CREB5: variants seen among roughly 807,000 people sequenced by gnomAD.
CREB5 encodes cyclic AMP-responsive element-binding protein 5.
CREB5 carries 19 observed loss-of-function variants against 57.1 expected under a neutral mutation model. The ratio of observed to expected loss-of-function variants is 0.33; its 90% CI spans 0.23 to 0.49. The LOEUF is 0.49. Among genes scored for constraint, CREB5 ranks in the 20% least tolerant of loss-of-function variants. The pLI is 0.99. For synonymous variants in CREB5, 238 were observed against 238.3 expected, an observed-to-expected ratio of 1.00 and a Z score of 0.01; for missense variants, 579 against 671.6, an observed-to-expected ratio of 0.86 and a Z score of 1.52.
At chr7:28,554,485 G>A (rs1583619170) in intron 4 of CREB5, among the ~76,000 whole-genome samples, 1 of 152,342 alleles carries the variant, frequency 6.6e-6, no homozygotes, top group South Asian at 2.1e-4. Context: ...CTGTTGGGGT[G>A]GAGCCTTCTC....
chr7:28,358,460 G>T (rs7800261), intron 1 of CREB5, among the ~76,000 whole-genome samples: 1,577 of 152,328 alleles, frequency 0.01, 23 homozygotes, highest in African/African-American at 0.036. Flanking sequence ...GTGGTTCTTG[G>T]ATATCACTGT....
chr7:28,758,573 T>G (rs2128768083), intron 7 of CREB5, among the ~76,000 whole-genome samples: 1 of 152,294 alleles, frequency 6.6e-6, no homozygotes, highest in South Asian at 2.1e-4. Flanking sequence ...GGGTTTGCAC[T>G]ACCAGTCAGT....
chr7:28,467,015 A>AG (rs1790607400), intron 1 of CREB5, among the ~76,000 whole-genome samples: 1 of 152,220 alleles, frequency 6.6e-6, no homozygotes, highest in Non-Finnish European at 1.5e-5. Context: ...CTGGAGGGAC[A>AG]GGGGGCCAAG....
chr7:28,322,975 T>C (rs994707995), intron 1 of CREB5, among the ~76,000 whole-genome samples: 8 of 152,204 alleles, frequency 5.3e-5, no homozygotes, highest in Non-Finnish European at 8.8e-5. Context: ...CTCTGTCCTT[T>C]AGCTAACCAA....
chr7:28,357,081 C>T (rs1048807712), intron 1 of CREB5, among the ~76,000 whole-genome samples: 1 of 151,430 alleles, frequency 6.6e-6, no homozygotes, highest in Non-Finnish European at 1.5e-5. Flanking sequence ...CTGCATCCCT[C>T]GCTAAAGCCA....
intron 1 of CREB5, among the ~76,000 whole-genome samples, chr7:28,477,246 A>G (rs1251337811): frequency 6.6e-6 from 1 of 152,238 alleles, no homozygotes; most frequent in Non-Finnish European, 1.5e-5. Context: ...ACAATTTCCC[A>G]GTGTGGATTT....
chr7:28,651,848 G>A (rs534918752), intron 5 of CREB5, among the ~76,000 whole-genome samples: 3 of 151,986 alleles, frequency 2.0e-5, no homozygotes, highest in Non-Finnish European at 2.9e-5. Flanking sequence ...TCAAGCTTTC[G>A]TAAACTCATG....
intron 1 of CREB5, among the ~76,000 whole-genome samples, chr7:28,464,113 T>C (rs1790460343): frequency 6.6e-6 from 1 of 152,184 alleles, no homozygotes; most frequent in Admixed American, 6.5e-5. Flanking sequence ...TTTATTCTAT[T>C]GAGTCTGATT....
chr7:28,358,209 C>T (rs1786384765), intron 1 of CREB5, among the ~76,000 whole-genome samples: 4 of 152,196 alleles, frequency 2.6e-5, no homozygotes, highest in Admixed American at 2.6e-4. Context: ...GCTCCGCTGA[C>T]CTCACAGGCT....
chr7:28,401,373 G>T (rs1394614857), intron 1 of CREB5, among the ~76,000 whole-genome samples: 1 of 150,626 alleles, frequency 6.6e-6, no homozygotes, highest in Non-Finnish European at 1.5e-5. Flanking sequence ...AGGTGATCTA[G>T]CTGTCTATTG....
intron 1 of CREB5, among the ~76,000 whole-genome samples, chr7:28,386,229 T>C (rs1787099380): frequency 6.6e-6 from 1 of 152,222 alleles, no homozygotes; most frequent in South Asian, 2.1e-4. Context: ...ATTTCTTTAA[T>C]TGAGTGGCTT....
At chr7:28,718,649 G>A in intron 5 of CREB5, 104 bp from the exon 6 acceptor site, 1 of 1,483,320 alleles carries the variant, frequency 6.7e-7, no homozygotes, top group Non-Finnish European at 9.1e-7. Flanking sequence ...CAGTGGATCT[G>A]ATCTGCTGCA....
At chr7:28,407,465 C>A (rs62451108) in intron 1 of CREB5, among the ~76,000 whole-genome samples, 3 of 152,136 alleles carry the variant, frequency 2.0e-5, no homozygotes, top group African/African-American at 7.2e-5. Context: ...AGTAGCAGAG[C>A]TAAAATTTGA....
chr7:28,435,914 T>C (rs1422727239), intron 1 of CREB5, among the ~76,000 whole-genome samples: 1 of 152,150 alleles, frequency 6.6e-6, no homozygotes, highest in Non-Finnish European at 1.5e-5. Flanking sequence ...ACCATATACA[T>C]ATATTTATAT....
chr7:28,640,730 T>C (rs1490859847), intron 5 of CREB5, among the ~76,000 whole-genome samples: 2 of 152,158 alleles, frequency 1.3e-5, no homozygotes. Flanking sequence ...ACACACCTCC[T>C]GCAAATGTAC....
chr7:28,680,879 T>C (rs1375681199), intron 5 of CREB5, among the ~76,000 whole-genome samples: 1 of 152,226 alleles, frequency 6.6e-6, no homozygotes, highest in African/African-American at 2.4e-5. Flanking sequence ...CACCTTTCTT[T>C]GGACATGATA....
At chr7:28,602,942 C>A (rs1230169254) in intron 5 of CREB5, among the ~76,000 whole-genome samples, 1 of 152,194 alleles carries the variant, frequency 6.6e-6, no homozygotes, top group East Asian at 1.9e-4. Flanking sequence ...TCTAATTATG[C>A]AAGATGTTAC....
intron 7 of CREB5, among the ~76,000 whole-genome samples, chr7:28,761,269 G>A (rs1274388374): frequency 1.3e-5 from 2 of 152,134 alleles, no homozygotes; most frequent in East Asian, 3.9e-4. Context: ...CCCTAGATGG[G>A]GTTCCACAGC....
At chr7:28,346,519 A>G (rs1786061153) in intron 1 of CREB5, among the ~76,000 whole-genome samples, 1 of 152,358 alleles carries the variant, frequency 6.6e-6, no homozygotes, top group East Asian at 1.9e-4. Context: ...TGAATTTTGG[A>G]GGAACACAAA....
Sources: allele counts gnomAD v4.1 joint callset (sites outside exome capture counted in the v4.1 genomes callset), GRCh38; gene constraint gnomAD v4.1.1; transcripts MANE v1.5; gene names NCBI Gene and HGNC (gene_info 2026-07-23, HGNC 2026-07-21).